OTOG: variants seen among roughly 807,000 people sequenced by gnomAD.
OTOG encodes otogelin.
Under a neutral mutation model 313.8 loss-of-function variants are expected in OTOG, and 296 were observed. The observed-to-expected ratio is 0.94, with a 90% CI of 0.86 to 1.04. OTOG has a LOEUF of 1.04. Ranked by LOEUF, OTOG falls within the 50% of genes least tolerant of loss-of-function variation. The pLI, the probability that OTOG is intolerant of heterozygous loss-of-function variation, is 0.00. For synonymous variants in OTOG, 1,533 were observed against 1,554.9 expected (o/e 0.99, Z 0.33); for missense variants, 3,948 against 3,840.1 (o/e 1.03, Z -0.74).
chr11:17,604,345 C>A (rs1853329704), intron 32 of OTOG, among the ~76,000 whole-genome samples: 1 of 152,182 alleles, frequency 6.6e-6, no homozygotes, highest in African/African-American at 2.4e-5. Flanking sequence ...AAGCCAAGGC[C>A]CAGGGAGGAG....
At chr11:17,625,980 T>A (rs1295937038) in intron 39 of OTOG, among the ~76,000 whole-genome samples, 11 of 152,312 alleles carry the variant, frequency 7.2e-5, no homozygotes, top group Admixed American at 2.6e-4. Context: ...TTCTCATATA[T>A]GGTGAGAGAT....
chr11:17,566,655 A>G (rs1852298733), intron 15 of OTOG, among the ~76,000 whole-genome samples: 2 of 152,132 alleles, frequency 1.3e-5, no homozygotes, highest in African/African-American at 4.8e-5. Flanking sequence ...TACACCATCC[A>G]TTTACCTAAT....
intron 6 of OTOG, among the ~76,000 whole-genome samples, chr11:17,554,266 A>T (rs553609469): frequency 6.6e-6 from 1 of 152,138 alleles, no homozygotes; most frequent in South Asian, 2.1e-4. Flanking sequence ...TGACGCTGTC[A>T]TTGTATTTCT....
chr11:17,642,603 A>G (rs1847999575), intron 53 of OTOG, among the ~76,000 whole-genome samples: 1 of 152,130 alleles, frequency 6.6e-6, no homozygotes, highest in African/African-American at 2.4e-5. Flanking sequence ...TCACACCTCA[A>G]GGCACTCACA....
At chr11:17,632,045 T>C (rs1162221479) in intron 41 of OTOG, 43 bp from the exon 42 acceptor site, 1 of 1,544,970 alleles carries the variant, frequency 6.5e-7, no homozygotes, top group Non-Finnish European at 8.8e-7. Flanking sequence ...CACTGGGATA[T>C]GTGCCATCCG....
intron 39 of OTOG, among the ~76,000 whole-genome samples, chr11:17,620,894 C>T (rs1447640654): frequency 6.6e-6 from 1 of 152,088 alleles, no homozygotes; most frequent in African/African-American, 2.4e-5. Context: ...CATATTAATT[C>T]CATTCAGTGG....
At chr11:17,614,874 G>A (rs947087033) in intron 39 of OTOG, among the ~76,000 whole-genome samples, 1 of 152,194 alleles carries the variant, frequency 6.6e-6, no homozygotes, top group African/African-American at 2.4e-5. Flanking sequence ...GTTTTGTGTA[G>A]ATAAAGCCCC....
At position 17,610,340 on chromosome 11, in the gene OTOG, GGTCCCCCAGCCCACCCAGGCCCAGA is replaced by G; in HGVS notation, c.5043_5067del (p.Pro1682LeufsTer8). 1.9e-6 allele frequency: 3 copies of G among 1,550,690 alleles called. No homozygotes were observed. Among genetic ancestry groups the G allele is most frequent in the Non-Finnish European group, 2.6e-6 (3 of 1,147,006 alleles). On this transcript the variant is annotated frameshift_variant, in exon 36 of 56. Transcript: ENST00000399397. LOFTEE classifies it high-confidence loss of function. ...TAACTAAGGTCATAAGCAGGACAGG[GGTCCCCCAGCCCACCCAGGCCCAGA>G]GTGCTTCAAGTCCCAGCACCCCTCT...
Position 17,634,347 on chromosome 11 carries a change from C to T in OTOG, c.7480+66C>T. The T allele has an allele frequency of 2.7e-6, 4 of 1,471,116 alleles. No homozygotes were observed. In the South Asian group the frequency reaches 3.8e-5, roughly 14 times the overall value. The allele number at this position is 1,471,116 out of a possible 1,614,324, so 91.1% of individuals were successfully genotyped here. On this transcript the variant is annotated intron_variant, in intron 44 of 55. Transcript: ENST00000399397. Reference sequence around the variant, plus strand: ...ACAGTTAAAAGGTTCCAGCCCTGCACACCAACCCTGATGGATAGGACAAGG... The same window carrying T: ...ACAGTTAAAAGGTTCCAGCCCTGCATACCAACCCTGATGGATAGGACAAGG...
intron 12 of OTOG, among the ~76,000 whole-genome samples, 186 bp downstream of exon 12, chr11:17,559,848 G>A (rs1327634316): frequency 1.4e-5 from 2 of 147,004 alleles, no homozygotes; most frequent in Non-Finnish European, 3.0e-5. Context: ...GAAAAAAGGA[G>A]GAAAGAAGGA....
chr11:17,558,040 C>T, intron 8 of OTOG, 145 bp from the exon 9 acceptor site: 1 of 1,073,174 alleles, frequency 9.3e-7, no homozygotes, highest in Non-Finnish European at 1.3e-6. Flanking sequence ...GTTGGGAAAC[C>T]CTGATTGGGA....
rs906307749 is a variant in OTOG at position 17,586,587 on chromosome 11, T to G, written c.2867+6T>G. Reference sequence around the variant, plus strand: ...ATGTCTCCTTGCCATACCTGGTAAGTGAGGGTCCCAAGCAGGCTTTGCTTT... The same window carrying G: ...ATGTCTCCTTGCCATACCTGGTAAGGGAGGGTCCCAAGCAGGCTTTGCTTT... On this transcript the variant is annotated splice_donor_region_variant and intron_variant, in intron 24 of 55. Coordinates refer to ENST00000399397, the MANE Select transcript of OTOG (RefSeq NM_001292063.2). The G allele has an allele frequency of 2.9e-4, 395 of 1,364,366 alleles. No individual in the cohort carries two copies. Among genetic ancestry groups the G allele is most frequent in the Non-Finnish European group, 3.7e-4 (389 of 1,049,808 alleles). 84.5% of individuals were successfully genotyped at this position (1,364,366 alleles called of 1,614,324 possible).
chr11:17,560,929 C>A (rs1332309796), intron 13 of OTOG, 112 bp downstream of exon 13: 1 of 1,179,394 alleles, frequency 8.5e-7, no homozygotes, highest in African/African-American at 1.5e-5. Flanking sequence ...CACTCAGTAC[C>A]TTTGAGTCCC....
chr11:17,606,025 A>G lies in OTOG; in HGVS notation c.4046A>G (p.Glu1349Gly), dbSNP rs1313655058. ...GTRQAGLVAL[E>G]SLAKPSSFLY... ...CGGCAGGCAGGCCTGGTGGCCCTGG[A>G]GTCCCTGGCCAAGCCCAGCTCCTTC... Residue 1349 changes from glutamate (E) to glycine (G), a missense_variant, in exon 33 of 56, where the codon GAG becomes GGG. Transcript: ENST00000399397. The G allele has an allele frequency of 6.4e-6, 10 of 1,550,410 alleles. No individual in the cohort carries two copies.
chr11:17,602,431 G>A, intron 32 of OTOG, 54 bp downstream of exon 32: 1 of 1,518,040 alleles, frequency 6.6e-7, no homozygotes, highest in Non-Finnish European at 8.9e-7. Context: ...GAGGGTGCTA[G>A]AGGAGGGGAG....
chr11:17,633,192 C>T (rs922765902), intron 42 of OTOG, among the ~76,000 whole-genome samples: 8 of 152,188 alleles, frequency 5.3e-5, no homozygotes, highest in African/African-American at 1.9e-4. Flanking sequence ...CTTTTGTAGT[C>T]GAGTTTGAGG....
rs556820669 is a variant in OTOG at position 17,633,861 on chromosome 11, G to A, written c.7254G>A (p.Pro2418=). Residue 2418 remains proline (P), a synonymous_variant, in exon 43 of 56, where the codon CCG becomes CCA. Coordinates refer to ENST00000399397, the MANE Select transcript of OTOG (RefSeq NM_001292063.2). ...GGCGCCACTCTGCACTCTGCATCCC[G>A]GAGGCCAAGTGCGGTAGGTTCCTCC... is the stretch of plus-strand genomic sequence containing the variant. The part of the protein sequence containing the change: ...LHRRHSALCI[P]EAKCACTDSM... 3.3e-4 allele frequency: 508 copies of A among 1,539,704 alleles called. 1 individual carries two copies. The highest frequency in any genetic ancestry group is 1.5e-3 in the African/African-American group (106 of 72,964).
intron 6 of OTOG, among the ~76,000 whole-genome samples, chr11:17,554,563 G>T: frequency 6.6e-6 from 1 of 152,216 alleles, no homozygotes; most frequent in East Asian, 1.9e-4. Flanking sequence ...ACTGAGTTAG[G>T]GTCAAGGGGT....
chr11:17,640,224 T>A (rs1847941499), intron 49 of OTOG, among the ~76,000 whole-genome samples: 1 of 152,142 alleles, frequency 6.6e-6, no homozygotes, highest in African/African-American at 2.4e-5. Context: ...GTTTTCTCAA[T>A]CCTGCAAACA....
Sources: gnomAD v4.1 joint callset for allele counts (sites outside exome capture counted in the v4.1 genomes callset) on GRCh38, gnomAD v4.1.1 for gene constraint, MANE v1.5 for transcripts, NCBI Gene and HGNC (gene_info 2026-07-23, HGNC 2026-07-21) for gene names.